The following CD63 variants were observed in gnomAD, a reference collection of about 807,000 sequenced individuals.
CD63 encodes CD63 molecule.
CD63 carries 16 observed loss-of-function variants against 29.2 expected under a neutral mutation model. The observed-to-expected ratio is 0.55, with a 90% CI of 0.37 to 0.83. CD63 has a LOEUF of 0.83. Among genes scored for constraint, CD63 ranks in the 40% least tolerant of loss-of-function variants. The probability of loss-of-function intolerance (pLI) is 0.00; values close to 1 mark genes in which losing one functional copy is unlikely to be tolerated. For missense variants in CD63, 251 were observed against 297.3 expected (o/e 0.84, Z 1.15); for synonymous variants, 118 against 111.7 (o/e 1.06, Z -0.36).
At chr12:55,727,067 A>T (rs888530842) in intron 3 of CD63, 84 bp downstream of exon 3, 4 of 1,374,282 alleles carry the variant, frequency 2.9e-6, no homozygotes, top group Non-Finnish European at 4.1e-6. Context: ...TTCCTCACCC[A>T]CCCACCTCAC....
downstream of CD63, chr12:55,723,867 C>T (rs781346233): frequency 4.8e-5 from 78 of 1,612,286 alleles, 1 homozygote; most frequent in South Asian, 5.5e-4. Flanking sequence ...CCAGCAACTT[C>T]GCTCTGCCCC....
downstream of CD63, chr12:55,723,736 C>T (rs1305723513): frequency 3.6e-6 from 3 of 844,286 alleles, no homozygotes; most frequent in Non-Finnish European, 5.8e-6. Context: ...CCCTCTACCC[C>T]ACTTGACCCT....
rs1877710806 is a variant in CD63 at position 55,728,786 on chromosome 12, C to T, written c.-12+167G>A. The T allele has an allele frequency of 1.0e-6, 1 of 996,186 alleles. No homozygotes were observed. The highest frequency in any genetic ancestry group is 1.7e-5 in the African/African-American group (1 of 57,258). 61.7% of individuals were successfully genotyped at this position (996,186 alleles called of 1,614,324 possible). A position where few individuals can be genotyped will look rare whatever the true frequency, so the allele number is the denominator to read the frequency against. Reference sequence around the variant, plus strand: ...AAAAAAAAAAAGTGCAGCCAGCACCCCCGCCACACCCTGCCCGGGCCCAGG... The same window carrying T: ...AAAAAAAAAAAGTGCAGCCAGCACCTCCGCCACACCCTGCCCGGGCCCAGG... On this transcript the variant is annotated intron_variant, in intron 1 of 7. Transcript: ENST00000257857. The surrounding 1 kb of genome is among the most constrained non-coding windows in gnomAD (Gnocchi z 4.8).
Position 55,725,841 on chromosome 12 carries a change from G to A in CD63, c.623C>T (p.Ala208Val), listed in dbSNP as rs772992496. Residue 208 changes from alanine (A) to valine (V), a missense_variant, in exon 7 of 8, where the codon GCA (alanine) becomes GTA (valine). Coordinates refer to ENST00000257857, the MANE Select transcript of CD63 (RefSeq NM_001780.6). ...GACAAAAGCAATTCCAAGGGCTGCTGCAGCTACCACCAGCACATTTTTCCT... is the reference window on the plus strand; with the variant it reads ...GACAAAAGCAATTCCAAGGGCTGCTACAGCTACCACCAGCACATTTTTCCT... ...WLRKNVLVVA[A>V]AALGIAFVEV... 14 of 1,614,076 alleles carry A rather than the reference G, an allele frequency of 8.7e-6. No homozygotes were observed. The highest frequency in any genetic ancestry group is 1.1e-5 in the Non-Finnish European group (13 of 1,179,982).
Position 55,725,614 on chromosome 12 carries a change from C to G in CD63, c.664G>C (p.Val222Leu), listed in dbSNP as rs1438396499. ...GIAFVEVLGIVFACCLVKSIR... is the reference protein window; with the variant it reads ...GIAFVEVLGILFACCLVKSIR... Reference sequence around the variant, plus strand: ...CTCTTCACGAGGCAGCAGGCAAAGACAATTCCCAAAACCTAGAAGGAAAGA... The same window carrying G: ...CTCTTCACGAGGCAGCAGGCAAAGAGAATTCCCAAAACCTAGAAGGAAAGA... The change falls in exon 8 of 8, where the codon GTC becomes CTC. Residue 222 changes from valine (V) to leucine (L), a missense_variant. Val to Leu is a conservative substitution (Grantham distance 32, BLOSUM62 1). Transcript: ENST00000257857. 3 of 1,614,078 alleles carry G rather than the reference C, an allele frequency of 1.9e-6. No individual in the cohort carries two copies. Among genetic ancestry groups the G allele is most frequent in the Non-Finnish European group, 2.5e-6 (3 of 1,180,000 alleles).
At chr12:55,729,659 C>G (rs1877785908), upstream of CD63, 2 of 152,334 alleles carry the variant, frequency 1.3e-5, no homozygotes, top group South Asian at 4.1e-4. Flanking sequence ...CTCCATTTTC[C>G]AGGGATCCTA....
In CD63 at chr12:55,728,850, C is replaced by T; in HGVS notation, c.-12+103G>A. On this transcript the variant is annotated intron_variant, in intron 1 of 7. Coordinates refer to ENST00000257857, the MANE Select transcript of CD63 (RefSeq NM_001780.6). The surrounding 1 kb of genome is among the most constrained non-coding windows in gnomAD (Gnocchi z 4.8). ...AAGTTGCTCCAGGGCGGCTGGAGAGCGCCGGACGAGTCTCCGCGGGCCTGG... is the reference window on the plus strand; with the variant it reads ...AAGTTGCTCCAGGGCGGCTGGAGAGTGCCGGACGAGTCTCCGCGGGCCTGG... The T allele has an allele frequency of 7.1e-6, 7 of 989,314 alleles. No homozygotes were observed. The highest frequency in any genetic ancestry group is 8.4e-6 in the Non-Finnish European group (7 of 832,314). The allele number at this position is 989,314 out of a possible 1,614,324, so 61.3% of individuals were successfully genotyped here. A position where few individuals can be genotyped will look rare whatever the true frequency, so the allele number is the denominator to read the frequency against.
In CD63 at chr12:55,727,208, C is replaced by T; in HGVS notation, c.198G>A (p.Leu66=). The T allele has an allele frequency of 1.9e-6, 3 of 1,613,830 alleles. No homozygotes were observed. The highest frequency in any genetic ancestry group is 2.5e-6 in the Non-Finnish European group (3 of 1,180,020). ...VIIAVGVFLF[L]VAFVGCCGAC... ...CCCCGCAGCAGCCCACAAAAGCCAC[C>T]AGGAAGAGGAAGACACCCACTGCGA... The change falls in exon 3 of 8, where the codon CTG becomes CTA. Residue 66 remains leucine, a synonymous_variant. Coordinates refer to ENST00000257857, the MANE Select transcript of CD63 (RefSeq NM_001780.6).
chr12:55,725,702 A>G (rs1274335586), intron 7 of CD63, 76 bp from the exon 8 acceptor site: 13 of 1,519,508 alleles, frequency 8.6e-6, no homozygotes, highest in Non-Finnish European at 1.2e-5. Context: ...AAGAGACTCC[A>G]AACACACACT....
At position 55,728,390 on chromosome 12, in the gene CD63, C is replaced by G. The variant is rs1405331710; in HGVS notation, c.-11-38G>C. 1 of 1,581,392 alleles carries G rather than the reference C, an allele frequency of 6.3e-7. No homozygotes were observed. ...GGAGGGCGGGGGGATTAAAACTGGC[C>G]GAAGGGGGACCTCGGTTTCCGGGCT... On this transcript the variant is annotated intron_variant, in intron 1 of 7. Coordinates refer to ENST00000257857, the MANE Select transcript of CD63 (RefSeq NM_001780.6). This position sits in a 1 kb window ranked among gnomAD's most constrained non-coding sequence, Gnocchi z 4.8.
intron 2 of CD63, chr12:55,727,767 G>C (rs569890668): frequency 9.7e-7 from 1 of 1,033,282 alleles, no homozygotes; most frequent in Non-Finnish European, 1.2e-6. Flanking sequence ...GAGGAAAAGG[G>C]AGCAAGAGTG....
At chr12:55,725,925 G>C in intron 6 of CD63, 29 bp from the exon 7 acceptor site, 1 of 1,607,764 alleles carries the variant, frequency 6.2e-7, no homozygotes. Flanking sequence ...AAGGACAAAA[G>C]CACCATCAGA....
chr12:55,727,118 A>ATGTT, intron 3 of CD63, 33 bp downstream of exon 3: 1 of 1,599,436 alleles, frequency 6.3e-7, no homozygotes, highest in Non-Finnish European at 8.5e-7. Context: ...TGGCAGTCCC[A>ATGTT]GACCGCCCAT....
chr12:55,724,676 A>C, downstream of CD63: 1 of 932,740 alleles, frequency 1.1e-6, no homozygotes, highest in South Asian at 1.4e-5. Context: ...AAAAATAAAA[A>C]GAAGGTGGGC....
In CD63 at chr12:55,728,623, C is replaced by G; in HGVS notation, c.-11-271G>C. On this transcript the variant is annotated intron_variant, in intron 1 of 7. Transcript: ENST00000257857. This position sits in a 1 kb window ranked among gnomAD's most constrained non-coding sequence, Gnocchi z 4.8. ...GCCGGCAGGGGCTTGAGCCTGACGC[C>G]GACCCTCGGCCCGCCAGTCTCCGGG... 1.5e-6 allele frequency: 2 copies of G among 1,311,090 alleles called. No individual in the cohort carries two copies. Among genetic ancestry groups the G allele is most frequent in the South Asian group, 1.8e-5 (1 of 55,752 alleles). 81.2% of individuals were successfully genotyped at this position (1,311,090 alleles called of 1,614,324 possible).
rs4759190 is a variant in CD63, at chr12:55,725,460, A to G, written c.*101T>C. On this transcript the variant is annotated 3_prime_UTR_variant, in exon 8 of 8. Transcript: ENST00000257857. Reference sequence around the variant, plus strand: ...TCAAGCATCACTCTAAGACAAACTCAGACCATCTCTTTTCGGTCTGAAAAA... The same window carrying G: ...TCAAGCATCACTCTAAGACAAACTCGGACCATCTCTTTTCGGTCTGAAAAA... The G allele has an allele frequency of 3.3e-3, 3,201 of 968,722 alleles. 10 individuals carry two copies. Among genetic ancestry groups the G allele is most frequent in the Middle Eastern group, 4.9e-3 (16 of 3,258 alleles). 60.0% of individuals were successfully genotyped at this position (968,722 alleles called of 1,614,324 possible).
In CD63 at chr12:55,728,692, G is replaced by A. The variant is rs1265833081; in HGVS notation, c.-12+261C>T. ...CACCCAACACCCAGCCTGGAGAAAC[G>A]GTCTTCAGCCCAACCCCGACCCCCG... is the stretch of plus-strand genomic sequence containing the variant. On this transcript the variant is annotated intron_variant, in intron 1 of 7. Transcript: ENST00000257857. The surrounding 1 kb of genome is among the most constrained non-coding windows in gnomAD (Gnocchi z 4.8). 6 of 1,142,056 alleles carry A rather than the reference G, an allele frequency of 5.3e-6. No homozygotes were observed. The highest frequency in any genetic ancestry group is 2.3e-5 in the South Asian group (1 of 43,192). 70.7% of individuals were successfully genotyped at this position (1,142,056 alleles called of 1,614,324 possible). A position where few individuals can be genotyped will look rare whatever the true frequency, so the allele number is the denominator to read the frequency against.
downstream of CD63, chr12:55,723,854 AAC>A (rs1491380015): frequency 9.9e-6 from 16 of 1,610,780 alleles, no homozygotes; most frequent in Non-Finnish European, 1.4e-5. Flanking sequence ...ATAGGGCAAG[AAC>A]CCAGCAACTT....
chr12:55,729,074 C>G, upstream of CD63: 1 of 985,398 alleles, frequency 1.0e-6, no homozygotes, highest in Non-Finnish European at 1.2e-6. Flanking sequence ...AGCCACGGTC[C>G]CCTCCCCCGC....
Sources: allele counts gnomAD v4.1 joint callset, GRCh38; gene constraint gnomAD v4.1.1; non-coding constraint Gnocchi (gnomAD v3.1); transcripts MANE v1.5; gene names NCBI Gene and HGNC (gene_info 2026-07-23, HGNC 2026-07-21).